DCHS1: variants seen among roughly 807,000 people sequenced by gnomAD.
DCHS1 encodes dachsous cadherin-related 1, also known as protocadherin-16.
In DCHS1, 78 loss-of-function variants were observed where a neutral mutation model predicts 213.9. That is an observed-to-expected ratio of 0.36 (90% CI 0.30 to 0.44). DCHS1 has a LOEUF of 0.44. DCHS1 is among the 20% of genes least tolerant of loss of function. DCHS1 has a pLI of 1.00. For synonymous variants in DCHS1, 1,828 were observed against 1,873.7 expected (o/e 0.98, Z 0.63); for missense variants, 3,946 against 4,395.9 (o/e 0.90, Z 2.89).
intron 2 of DCHS1, among the ~76,000 whole-genome samples, chr11:6,638,139 A>C (rs955279144): frequency 6.6e-6 from 1 of 152,174 alleles, no homozygotes; most frequent in African/African-American, 2.4e-5. Context: ...AGGCGAGCAA[A>C]TATGCAGAGT....
At position 6,623,718 on chromosome 11, in the gene DCHS1, T is replaced by G. The variant is rs775669672; in HGVS notation, c.7958A>C (p.Asp2653Ala). ...SGDPSGLFEL[D>A]ESSGTLRLAH... ...CAGTCGCAAGGTGCCTGAGCTCTCATCCAGCTCAAAGAGCCCTGATGGGTC... is the reference window on the plus strand; with the variant it reads ...CAGTCGCAAGGTGCCTGAGCTCTCAGCCAGCTCAAAGAGCCCTGATGGGTC... The change falls in exon 21 of 21, where the codon GAT (aspartate) becomes GCT (alanine). Residue 2653 changes from aspartate (D) to alanine (A), a missense_variant. Asp to Ala is a moderately radical substitution (Grantham distance 126). Coordinates refer to ENST00000299441, the MANE Select transcript of DCHS1 (RefSeq NM_003737.4). 2.5e-6 allele frequency: 4 copies of G among 1,613,850 alleles called. No homozygotes were observed. The Admixed American group carries it at 5.0e-5, about 20-fold the overall frequency.
chr11:6,637,979 A>T (rs1476571564), intron 2 of DCHS1, among the ~76,000 whole-genome samples: 1 of 152,154 alleles, frequency 6.6e-6, no homozygotes, highest in African/African-American at 2.4e-5. Context: ...TATGGTTACT[A>T]ATAGTAAAAA....
Position 6,628,508 on chromosome 11 carries a change from C to CT in DCHS1, c.5371+112_5371+113insA. The stretch of plus-strand genomic sequence containing the variant: ...TAAGCATGAAAGAAAAGGTGGACGA[C>CT]ATCAAGAGGGAAAAGGAGACCCAGA... On this transcript the variant is annotated intron_variant, in intron 13 of 20. Coordinates refer to ENST00000299441, the MANE Select transcript of DCHS1 (RefSeq NM_003737.4). The surrounding 1 kb of genome is among the most constrained non-coding windows in gnomAD (Gnocchi z 4.3). The CT allele has an allele frequency of 8.4e-7, 1 of 1,191,766 alleles. No homozygotes were observed. The highest frequency in any genetic ancestry group is 1.2e-6 in the Non-Finnish European group (1 of 817,620). The allele number at this position is 1,191,766 out of a possible 1,614,324, so 73.8% of individuals were successfully genotyped here.
In DCHS1 at chr11:6,631,720, G is replaced by A. The variant is rs763334381; in HGVS notation, c.3571C>T (p.Arg1191Cys). 15 of 1,609,958 alleles carry A rather than the reference G, an allele frequency of 9.3e-6. No individual in the cohort carries two copies. Among genetic ancestry groups the A allele is most frequent in the Admixed American group, 3.4e-5 (2 of 59,456 alleles). The change falls in exon 7 of 21, where the codon CGC becomes TGC. Residue 1191 changes from arginine (R) to cysteine (C), a missense_variant. Transcript: ENST00000299441. ...VQVQDGGSPP[R>C]STTGTVHVAV... ...ACATGCACAGTGCCTGTGGTGCTGC[G>A]GGGTGGGCTCCCTCCATCCTGCACC...
In DCHS1 at chr11:6,632,961, G is replaced by A. The variant is rs1257429631; in HGVS notation, c.2551C>T (p.Pro851Ser). The change falls in exon 6 of 21, where the codon CCT (proline) becomes TCT (serine). Residue 851 changes from proline to serine, a missense_variant. Pro to Ser is a moderately conservative substitution (Grantham distance 74, BLOSUM62 -1). This residue lies in a region of DCHS1 where 3,384 missense variants were observed against 3,780.1 expected (regional missense o/e 0.90). Transcript: ENST00000299441. The surrounding 1 kb of genome is among the most constrained non-coding windows in gnomAD (Gnocchi z 5.9). ...AVSGLLQTLRPLDRELLGPVL... is the reference protein window; with the variant it reads ...AVSGLLQTLRSLDRELLGPVL... ...GGTCCCAGTAGCTCCCGGTCCAGAG[G>A]GCGAAGTGTTTGCAACAGTCCTGAT... The A allele has an allele frequency of 6.2e-7, 1 of 1,614,012 alleles. No individual in the cohort carries two copies. Among genetic ancestry groups the A allele is most frequent in the Non-Finnish European group, 8.5e-7 (1 of 1,179,888 alleles).
Position 6,623,319 on chromosome 11 carries a change from C to A in DCHS1, c.8357G>T (p.Gly2786Val). Residue 2786 changes from glycine (G) to valine (V), a missense_variant, in exon 21 of 21, where the codon GGT becomes GTT. By Grantham distance (109) the Gly-to-Val change is moderately radical. Around this residue, in one of 3 missense-constraint regions of DCHS1, gnomAD observed 3,384 missense variants for 3,780.1 expected, o/e 0.90. Transcript: ENST00000299441. ...TGAGAGATTCCCAGCATCAGCAGCA[C>A]CCACCAGCAGCCGGAAGCTTTCTGT... The part of the protein sequence containing the change: ...EHTESFRLLV[G>V]AADAGNLSAS... 6.3e-7 allele frequency: 1 copy of A among 1,592,650 alleles called. No homozygotes were observed. The highest frequency in any genetic ancestry group is 2.3e-5 in the East Asian group (1 of 43,652).
At chr11:6,651,024 T>C (rs892972956) in intron 1 of DCHS1, among the ~76,000 whole-genome samples, 8 of 152,170 alleles carry the variant, frequency 5.3e-5, no homozygotes, top group Non-Finnish European at 1.0e-4. Context: ...GGGTGAGGGA[T>C]GTGCTGTGAG....
At chr11:6,648,308 A>G (rs2134656547) in intron 1 of DCHS1, among the ~76,000 whole-genome samples, 2 of 152,234 alleles carry the variant, frequency 1.3e-5, no homozygotes, top group Middle Eastern at 3.4e-3. Flanking sequence ...GGTTGAAGAG[A>G]CCTTTATTCT....
intron 2 of DCHS1, among the ~76,000 whole-genome samples, chr11:6,635,965 T>A (rs1441018267): frequency 6.6e-6 from 1 of 152,172 alleles, no homozygotes; most frequent in Non-Finnish European, 1.5e-5. Flanking sequence ...CAGCTCAGCG[T>A]CTCAGTCCGA....
Position 6,632,224 on chromosome 11 carries a change from G to A in DCHS1, c.3288C>T (p.Leu1096=), listed in dbSNP as rs747411224. The change falls in exon 6 of 21, where the codon CTC becomes CTT. Residue 1096 remains leucine, a synonymous_variant. Coordinates refer to ENST00000299441, the MANE Select transcript of DCHS1 (RefSeq NM_003737.4). This position sits in a 1 kb window ranked among gnomAD's most constrained non-coding sequence, Gnocchi z 5.9. ...AGCGGGGACTGTGTTCATTCTGGTT[G>A]AGGATGCTGACCCTCACGGTGGCTG... ...TGTATVRVSI[L]NQNEHSPRLS... The A allele has an allele frequency of 1.4e-5, 22 of 1,613,160 alleles. No homozygotes were observed. The highest frequency in any genetic ancestry group is 4.5e-5 in the East Asian group (2 of 44,884).
chr11:6,627,706 C>G lies in DCHS1; in HGVS notation c.5372-39G>C, dbSNP rs11040937. The G allele has an allele frequency of 6.3e-7, 1 of 1,581,034 alleles. No individual in the cohort carries two copies. Among genetic ancestry groups the G allele is most frequent in the Admixed American group, 1.7e-5 (1 of 58,206 alleles). ...CATGCACATATAAATATACATGTGT[C>G]GTGGGGATGGGGGTGATTTACAGAC... On this transcript the variant is annotated intron_variant, in intron 13 of 20. Transcript: ENST00000299441. This position sits in a 1 kb window ranked among gnomAD's most constrained non-coding sequence, Gnocchi z 5.4.
rs770364686 is a variant in DCHS1 at position 6,640,681 on chromosome 11, C to T, written c.933G>A (p.Thr311=). The change falls in exon 2 of 21, where the codon ACG becomes ACA. Residue 311 remains threonine, a synonymous_variant. Transcript: ENST00000299441. This position sits in a 1 kb window ranked among gnomAD's most constrained non-coding sequence, Gnocchi z 6.5. ...GTGGCCGCTCTAACTGCAGCAGCCC[C>T]GTGTGTGCGTCGATGGAGAAGGGTC... ...GDGPFSIDAH[T]GLLQLERPLD... 12 of 1,613,352 alleles carry T rather than the reference C, an allele frequency of 7.4e-6. No homozygotes were observed. The highest frequency in any genetic ancestry group is 4.0e-5 in the African/African-American group (3 of 74,912).
Position 6,630,748 on chromosome 11 carries a change from G to C in DCHS1, c.4046C>G (p.Ser1349Cys), listed in dbSNP as rs1589956191. The change falls in exon 10 of 21, where the codon TCT (serine) becomes TGT (cysteine). Residue 1349 changes from serine (S) to cysteine (C), a missense_variant. Transcript: ENST00000299441. ...VTAAEGLRPGSLLGSVAAPEP... is the reference protein window; with the variant it reads ...VTAAEGLRPGCLLGSVAAPEP... The stretch of plus-strand genomic sequence containing the variant: ...TGGCGCTGCCACCGAGCCCAACAGA[G>C]AGCCGGGCCGCAGTCCCTCAGCTGC... The C allele has an allele frequency of 6.5e-7, 1 of 1,545,626 alleles. No homozygotes were observed. Among genetic ancestry groups the C allele is most frequent in the Non-Finnish European group, 8.7e-7 (1 of 1,147,392 alleles).
Position 6,622,430 on chromosome 11 carries a change from T to A in DCHS1, c.9246A>T (p.Glu3082Asp), listed in dbSNP as rs780709463. ...TATACCAGGTGTCAGGGGCAGGTGGTTCGCAGGATGTGTCACTCAGACCAT... is the reference window on the plus strand; with the variant it reads ...TATACCAGGTGTCAGGGGCAGGTGGATCGCAGGATGTGTCACTCAGACCAT... ...DADGLSDTSC[E>D]PPAPDTWYKG... is the part of the protein sequence containing the mutation. Residue 3082 changes from glutamate (E) to aspartate (D), a missense_variant, in exon 21 of 21, where the codon GAA (glutamate) becomes GAT (aspartate). Physicochemically the swap from Glu to Asp is conservative, Grantham distance 45. Coordinates refer to ENST00000299441, the MANE Select transcript of DCHS1 (RefSeq NM_003737.4). This position sits in a 1 kb window ranked among gnomAD's most constrained non-coding sequence, Gnocchi z 5.4. The A allele has an allele frequency of 1.1e-5, 17 of 1,555,766 alleles. No homozygotes were observed. The highest frequency in any genetic ancestry group is 1.5e-5 in the Non-Finnish European group (17 of 1,148,870).
At chr11:6,649,720 C>T (rs992910078) in intron 1 of DCHS1, among the ~76,000 whole-genome samples, 1 of 152,024 alleles carries the variant, frequency 6.6e-6, no homozygotes, top group Non-Finnish European at 1.5e-5. Flanking sequence ...GGTGAGGGAG[C>T]TGGGGCACGG....
rs947817878 is a variant in DCHS1, at chr11:6,632,851, C to T, written c.2661G>A (p.Val887=). ...VARVRVLLDD[V]NDNSPAFPAP... ...CAGGAAAGGCAGGGGAGTTGTCATT[C>T]ACATCATCCAGCAGCACACGCACCC... Residue 887 remains valine, a synonymous_variant, in exon 6 of 21, where the codon GTG becomes GTA. Transcript: ENST00000299441. This position sits in a 1 kb window ranked among gnomAD's most constrained non-coding sequence, Gnocchi z 5.9. The T allele has an allele frequency of 1.2e-6, 2 of 1,613,904 alleles. No homozygotes were observed. Among genetic ancestry groups the T allele is most frequent in the African/African-American group, 1.3e-5 (1 of 74,926 alleles).
Position 6,630,746 on chromosome 11 carries a change from G to T in DCHS1, c.4048C>A (p.Leu1350Met). 1 of 1,545,700 alleles carries T rather than the reference G, an allele frequency of 6.5e-7. No homozygotes were observed. ...TAAEGLRPGS[L>M]LGSVAAPEPA... ...TCTGGCGCTGCCACCGAGCCCAACAGAGAGCCGGGCCGCAGTCCCTCAGCT... is the reference window on the plus strand; with the variant it reads ...TCTGGCGCTGCCACCGAGCCCAACATAGAGCCGGGCCGCAGTCCCTCAGCT... The change falls in exon 10 of 21, where the codon CTG becomes ATG. Residue 1350 changes from leucine to methionine, a missense_variant. Physicochemically the swap from Leu to Met is conservative, Grantham distance 15. Coordinates refer to ENST00000299441, the MANE Select transcript of DCHS1 (RefSeq NM_003737.4).
intron 2 of DCHS1, among the ~76,000 whole-genome samples, chr11:6,635,399 G>A (rs890063234): frequency 3.3e-5 from 5 of 152,196 alleles, no homozygotes; most frequent in Admixed American, 2.0e-4. Context: ...TCAATAGTGG[G>A]TTAGCTGGTG....
At chr11:6,649,309 G>A in intron 1 of DCHS1, among the ~76,000 whole-genome samples, 1 of 151,692 alleles carries the variant, frequency 6.6e-6, no homozygotes, top group East Asian at 1.9e-4. Flanking sequence ...TCATATAACT[G>A]GTCAGGCAGC....
Sources: gnomAD v4.1 joint callset for allele counts (sites outside exome capture counted in the v4.1 genomes callset) on GRCh38, gnomAD v4.1.1 for gene constraint, gnomAD v4.1.1 regional missense constraint, Gnocchi (gnomAD v3.1) non-coding constraint, MANE v1.5 for transcripts, NCBI Gene and HGNC (gene_info 2026-07-23, HGNC 2026-07-21) for gene names.